RUNDC3B: variants seen among roughly 807,000 people sequenced by gnomAD.
RUNDC3B encodes the protein RUN domain-containing protein 3B.
In RUNDC3B, 33 loss-of-function variants were observed where a neutral mutation model predicts 58.4. The ratio of observed to expected loss-of-function variants is 0.56; its 90% CI spans 0.43 to 0.75. The LOEUF (loss-of-function observed/expected upper bound fraction) is 0.75. Among genes scored for constraint, RUNDC3B ranks in the 30% least tolerant of loss-of-function variants. The pLI is 0.00. For missense variants in RUNDC3B, 501 were observed against 535.7 expected (o/e 0.94, Z 0.64); for synonymous variants, 193 against 195.2 (o/e 0.99, Z 0.10).
At chr7:87,828,432 A>G (rs1484365587) in intron 10 of RUNDC3B, among the ~76,000 whole-genome samples, 1 of 152,058 alleles carries the variant, frequency 6.6e-6, no homozygotes, top group Non-Finnish European at 1.5e-5. Context: ...ATCCATGAGT[A>G]TTCAGTGTTT....
At position 87,807,443 on chromosome 7, in the gene RUNDC3B, T is replaced by A. The variant is rs778521561; in HGVS notation, c.1027T>A (p.Ser343Thr). ...LTAHLTNQWP[S>T]PGALDVNAVA... ...TGCCCATCTCACCAACCAGTGGCCTTCTCCAGGAGCTCTGGATGTCAATGC... is the reference window on the plus strand; with the variant it reads ...TGCCCATCTCACCAACCAGTGGCCTACTCCAGGAGCTCTGGATGTCAATGC... Residue 343 changes from serine (S) to threonine (T), a missense_variant, in exon 9 of 11, where the codon TCT (serine) becomes ACT (threonine). Ser to Thr is a moderately conservative substitution (Grantham distance 58). Coordinates refer to ENST00000394654, the MANE Select transcript of RUNDC3B (RefSeq NM_001134405.2). The A allele has an allele frequency of 6.2e-7, 1 of 1,613,540 alleles. No individual in the cohort carries two copies. The highest frequency in any genetic ancestry group is 1.3e-5 in the African/African-American group (1 of 74,894).
intron 6 of RUNDC3B, among the ~76,000 whole-genome samples, chr7:87,742,628 G>T (rs1280566067): frequency 6.8e-6 from 1 of 146,576 alleles, no homozygotes; most frequent in Non-Finnish European, 1.5e-5. Flanking sequence ...AGATATCATG[G>T]TTTTTTTAAT....
intron 2 of RUNDC3B, among the ~76,000 whole-genome samples, chr7:87,678,420 A>G (rs2130571144): frequency 6.6e-6 from 1 of 152,344 alleles, no homozygotes; most frequent in African/African-American, 2.4e-5. Context: ...ACTATTAAAT[A>G]TTAGGTGTTC....
intron 2 of RUNDC3B, among the ~76,000 whole-genome samples, chr7:87,667,600 A>G (rs1353971764): frequency 6.6e-6 from 1 of 152,120 alleles, no homozygotes; most frequent in Non-Finnish European, 1.5e-5. Context: ...TTGCCCATTC[A>G]GCATAAAGTT....
intron 4 of RUNDC3B, among the ~76,000 whole-genome samples, chr7:87,729,138 G>A (rs1831427288): frequency 1.3e-5 from 2 of 152,022 alleles, no homozygotes. Context: ...ATTTGAGGAA[G>A]GCCAATAATA....
chr7:87,783,026 A>G (rs1440552682), intron 8 of RUNDC3B, among the ~76,000 whole-genome samples: 5 of 152,186 alleles, frequency 3.3e-5, no homozygotes, highest in Non-Finnish European at 5.9e-5. Context: ...TTTCTGCATT[A>G]ATGATCCATC....
chr7:87,720,926 TTTAA>T (rs370748460), intron 4 of RUNDC3B, among the ~76,000 whole-genome samples: 4 of 526 alleles, frequency 7.6e-3, no homozygotes, highest in African/African-American at 0.029. Flanking sequence ...ACTATAATAT[TTTAA>T]ATAGTTAAAA....
intron 4 of RUNDC3B, among the ~76,000 whole-genome samples, chr7:87,737,064 A>T (rs996838770): frequency 6.7e-6 from 1 of 150,108 alleles, no homozygotes; most frequent in African/African-American, 2.4e-5. Context: ...CGTCTGGCTA[A>T]TTTTTTTGTA....
chr7:87,733,768 A>G (rs1019454675), intron 4 of RUNDC3B, among the ~76,000 whole-genome samples: 3 of 152,182 alleles, frequency 2.0e-5, no homozygotes, highest in African/African-American at 7.2e-5. Flanking sequence ...TGAGAATCTA[A>G]TGCCTGAGTG....
intron 6 of RUNDC3B, among the ~76,000 whole-genome samples, chr7:87,747,374 G>C (rs966549170): frequency 8.5e-5 from 13 of 152,166 alleles, no homozygotes; most frequent in African/African-American, 3.1e-4. Context: ...TTCTGGCGGA[G>C]GTAGCAGGGG....
intron 4 of RUNDC3B, among the ~76,000 whole-genome samples, chr7:87,736,871 ATATATATATATATATATATTTTTTT>A (rs1214181429): frequency 7.5e-3 from 285 of 37,914 alleles, no homozygotes; most frequent in African/African-American, 0.026. Context: ...ATATATATAT[ATATATATATATATATATATTTTTTT>A]TTTTTTTTTT....
intron 4 of RUNDC3B, among the ~76,000 whole-genome samples, chr7:87,737,359 G>C (rs1832048218): frequency 6.6e-6 from 1 of 151,930 alleles, no homozygotes. Context: ...ATTTTTCAAT[G>C]AGGTAAAATG....
chr7:87,638,006 T>A (rs1821973547), intron 1 of RUNDC3B, among the ~76,000 whole-genome samples: 1 of 152,156 alleles, frequency 6.6e-6, no homozygotes, highest in African/African-American at 2.4e-5. Flanking sequence ...TCCCTTCTAT[T>A]TCTAAATTGC....
Position 87,679,668 on chromosome 7 carries a change from G to A in RUNDC3B, c.239-20753G>A, listed in dbSNP as rs116265932. ...GCCTTTCAAAGTGCTGAGATTACAA[G>A]TGTGAACCACTGTGCCTGGCCACCC... is the stretch of plus-strand genomic sequence containing the variant. On this transcript the variant is annotated intron_variant, in intron 2 of 10. Transcript: ENST00000394654. Among the ~76,000 whole-genome samples the A allele has an allele frequency of 3.1e-3, 472 of 150,426 alleles. 37 individuals carry two copies. Among genetic ancestry groups the A allele is most frequent in the African/African-American group, 0.011 (448 of 40,526 alleles).
chr7:87,823,070 C>T lies in RUNDC3B; in HGVS notation c.1225+6808C>T, dbSNP rs73393815. ...AAAATAAAATTAAAAAAAAAGATCA[C>T]ATGTGTAAACAAGCTAGCTAGCTAA... On this transcript the variant is annotated intron_variant, in intron 10 of 10. Coordinates refer to ENST00000394654, the MANE Select transcript of RUNDC3B (RefSeq NM_001134405.2). Among the ~76,000 whole-genome samples the T allele has an allele frequency of 2.4e-3, 358 of 151,924 alleles. 3 individuals are homozygous for T. Among genetic ancestry groups the T allele is most frequent in the African/African-American group, 8.4e-3 (349 of 41,464 alleles).
intron 3 of RUNDC3B, chr7:87,709,559 C>T: frequency 1.0e-6 from 1 of 973,178 alleles, no homozygotes; most frequent in Non-Finnish European, 1.2e-6. Context: ...CATTTTCTTC[C>T]CAGTAGTACT....
At chr7:87,750,546 T>G (rs1832912463) in intron 6 of RUNDC3B, among the ~76,000 whole-genome samples, 4 of 152,220 alleles carry the variant, frequency 2.6e-5, no homozygotes, top group African/African-American at 9.6e-5. Context: ...GCCTGTTGTT[T>G]CCTGACTTTT....
chr7:87,634,431 G>A (rs1380894139), intron 1 of RUNDC3B, among the ~76,000 whole-genome samples: 4 of 145,166 alleles, frequency 2.8e-5, no homozygotes, highest in Non-Finnish European at 6.0e-5. Context: ...AGACCAGCCT[G>A]GCCAACATGG....
intron 6 of RUNDC3B, among the ~76,000 whole-genome samples, chr7:87,751,710 T>G (rs897258874): frequency 1.3e-5 from 2 of 152,230 alleles, no homozygotes; most frequent in Admixed American, 6.5e-5. Flanking sequence ...ATGCTTGTGA[T>G]TTTTGTACAT....
Sources: gnomAD v4.1 joint callset for allele counts (sites outside exome capture counted in the v4.1 genomes callset) on GRCh38, gnomAD v4.1.1 for gene constraint, MANE v1.5 for transcripts, NCBI Gene and HGNC (gene_info 2026-07-23, HGNC 2026-07-21) for gene names.